TMEM255A: variants seen among roughly 807,000 people sequenced by gnomAD.
The protein encoded by TMEM255A is family with sequence similarity 70, member A.
TMEM255A carries 14 observed loss-of-function variants against 23.5 expected under a neutral mutation model. The observed-to-expected ratio is 0.60, with a 90% confidence interval of 0.39 to 0.93. The LOEUF (loss-of-function observed/expected upper bound fraction) is 0.93, where lower values mean the gene tolerates loss of function less well. Among genes scored for constraint, TMEM255A ranks in the 40% least tolerant of loss-of-function variants. The probability of loss-of-function intolerance (pLI) is 0.00; values close to 1 mark genes in which losing one functional copy is unlikely to be tolerated. For missense variants in TMEM255A, 233 were observed against 261.7 expected, an observed-to-expected ratio of 0.89 and a Z score of 0.76; for synonymous variants, 104 against 100.3, an observed-to-expected ratio of 1.04 and a Z score of -0.22.
intron 7 of TMEM255A, among the ~76,000 whole-genome samples, chrX:120,276,279 A>T (rs2057798162): frequency 8.9e-6 from 1 of 112,213 alleles, no homozygotes; most frequent in East Asian, 2.8e-4. Context: ...CTTTGCAGAC[A>T]CACACACACA....
At chrX:120,261,161 A>T in intron 8 of TMEM255A, 133 bp from the exon 9 acceptor site, 1 of 867,835 alleles carries the variant, frequency 1.2e-6, no homozygotes, top group African/African-American at 2.1e-5. Context: ...CAAACCTCAC[A>T]GAGTTAATGA....
At chrX:120,278,440 G>A (rs782778570) in intron 6 of TMEM255A, among the ~76,000 whole-genome samples, 2 of 112,205 alleles carry the variant, frequency 1.8e-5, no homozygotes, top group Admixed American at 9.4e-5. Context: ...TGTCTACTAC[G>A]TTATTGTCTG....
intron 7 of TMEM255A, among the ~76,000 whole-genome samples, chrX:120,271,541 G>A (rs886569103): frequency 9.8e-5 from 11 of 111,706 alleles, no homozygotes; most frequent in African/African-American, 3.6e-4. Context: ...AGATAACAGT[G>A]AAATTAAGAA....
chrX:120,307,992 C>T (rs1393654981), intron 1 of TMEM255A, among the ~76,000 whole-genome samples: 1 of 111,966 alleles, frequency 8.9e-6, no homozygotes, highest in Non-Finnish European at 1.9e-5. Context: ...CAGCTTTTCT[C>T]TCATCCGGGT....
chrX:120,287,377 C>T (rs1556022085), intron 4 of TMEM255A, among the ~76,000 whole-genome samples, 155 bp from the exon 5 acceptor site: 1 of 109,662 alleles, frequency 9.1e-6, no homozygotes, highest in Non-Finnish European at 1.9e-5. Context: ...TTCTGAAAGT[C>T]ACCTGTCTAG....
At position 120,287,158 on chromosome X, in the gene TMEM255A, T is replaced by C; in HGVS notation, c.419A>G (p.Glu140Gly). 8.3e-7 allele frequency: 1 copy of C among 1,209,855 alleles called. No individual in the cohort carries two copies. Among genetic ancestry groups the C allele is most frequent in the Non-Finnish European group, 1.1e-6 (1 of 893,655 alleles). The part of the protein sequence containing the change: ...YVPKTSQKEA[E>G]EVNCPHLSRE... The stretch of plus-strand genomic sequence containing the variant: ...TGCAGCCTCATTCTGGCTCACCTCC[T>C]CAGCTTCCTTCTGTGATGTCTTGGG... Residue 140 changes from glutamate to glycine, a missense_variant, in exon 5 of 9, where the codon GAG becomes GGG. Glu to Gly is a moderately conservative substitution (Grantham distance 98). Transcript: ENST00000371369.
At chrX:120,300,428 C>T (rs921664826) in intron 2 of TMEM255A, among the ~76,000 whole-genome samples, 10 of 111,015 alleles carry the variant, frequency 9.0e-5, no homozygotes, top group East Asian at 2.8e-4. Flanking sequence ...CGATCTGTCA[C>T]CCAGGCTGGA....
In TMEM255A at chrX:120,311,336, C is replaced by T. The variant is rs1556028388; in HGVS notation, c.-27G>A. ...GTGAAAACTGCCCGGTTGCCCCAGT[C>T]CCCGAAGCTGCTTCAAGCGCCCCCG... On this transcript the variant is annotated 5_prime_UTR_variant, in exon 1 of 9. Transcript: ENST00000371369. 1 of 1,157,773 alleles carries T rather than the reference C, an allele frequency of 8.6e-7. No homozygotes were observed. Among genetic ancestry groups the T allele is most frequent in the Admixed American group, 2.6e-5 (1 of 39,181 alleles).
At chrX:120,265,031 C>T (rs1556017316) in intron 8 of TMEM255A, among the ~76,000 whole-genome samples, 1 of 110,374 alleles carries the variant, frequency 9.1e-6, no homozygotes, top group Non-Finnish European at 1.9e-5. Flanking sequence ...GCATGCACCA[C>T]CATGCCTAGC....
At chrX:120,255,030 A>G, downstream of TMEM255A, 1 of 1,212,093 alleles carries the variant, frequency 8.3e-7, no homozygotes, top group Non-Finnish European at 1.1e-6. Context: ...ATATCGCACA[A>G]AGCATGAAAT....
chrX:120,283,665 A>G (rs1201194149), intron 6 of TMEM255A, among the ~76,000 whole-genome samples: 1 of 111,849 alleles, frequency 8.9e-6, no homozygotes, highest in Non-Finnish European at 1.9e-5. Flanking sequence ...CACTGTGCAC[A>G]TCACCTACTC....
At chrX:120,300,108 C>T (rs782723866) in intron 2 of TMEM255A, among the ~76,000 whole-genome samples, 1 of 111,327 alleles carries the variant, frequency 9.0e-6, no homozygotes, top group African/African-American at 3.3e-5. Flanking sequence ...GTCTCACTAT[C>T]CAGGGGACCA....
At chrX:120,296,380 C>CTCCTATTCTAT (rs1556024031) in intron 2 of TMEM255A, among the ~76,000 whole-genome samples, 2 of 74,066 alleles carry the variant, frequency 2.7e-5, no homozygotes, top group African/African-American at 5.4e-5. Flanking sequence ...TCCCCTTCTC[C>CTCCTATTCTAT]TCTATTCTAT....
At chrX:120,256,430 A>T (rs1314606814), downstream of TMEM255A, 9 of 122,239 alleles carry the variant, frequency 7.4e-5, 1 homozygote, top group African/African-American at 2.9e-4. Context: ...TATTGCGTAG[A>T]ATCTCCACTA....
intron 2 of TMEM255A, among the ~76,000 whole-genome samples, chrX:120,298,102 GA>G (rs368014756): frequency 0.039 from 3,966 of 101,846 alleles, 183 homozygotes; most frequent in African/African-American, 0.13. Context: ...TCCACTTGTG[GA>G]AAAAAAAAAA....
At chrX:120,306,666 A>G (rs895838233) in intron 1 of TMEM255A, among the ~76,000 whole-genome samples, 1 of 111,948 alleles carries the variant, frequency 8.9e-6, no homozygotes, top group Non-Finnish European at 1.9e-5. Context: ...AAATTGGAGA[A>G]GTGTGTGTGC....
At chrX:120,278,593 T>C (rs2057816410) in intron 6 of TMEM255A, among the ~76,000 whole-genome samples, 1 of 111,988 alleles carries the variant, frequency 8.9e-6, no homozygotes, top group Non-Finnish European at 1.9e-5. Flanking sequence ...TGTCACAAAC[T>C]AGTTTACAAC....
At chrX:120,255,515 G>A (rs781906430), downstream of TMEM255A, 21 of 808,058 alleles carry the variant, frequency 2.6e-5, no homozygotes, top group Middle Eastern at 1.9e-3. Context: ...ATTAAGGTGC[G>A]AACAAGTTAA....
chrX:120,300,060 T>C (rs184843647), intron 2 of TMEM255A, among the ~76,000 whole-genome samples: 1 of 111,972 alleles, frequency 8.9e-6, no homozygotes, highest in Non-Finnish European at 1.9e-5. Context: ...ATAGTATCAA[T>C]ATAGCAGCTG....
Sources: allele counts gnomAD v4.1 joint callset (sites outside exome capture counted in the v4.1 genomes callset), GRCh38; gene constraint gnomAD v4.1.1; transcripts MANE v1.5; gene names NCBI Gene and HGNC (gene_info 2026-07-23, HGNC 2026-07-21).